ADAMTS3: variants seen among roughly 807,000 people sequenced by gnomAD.
ADAMTS3 encodes A disintegrin and metalloproteinase with thrombospondin motifs 3.
In ADAMTS3, 73 loss-of-function variants were observed where a neutral mutation model predicts 129.0. The ratio of observed to expected loss-of-function variants is 0.57; its 90% CI spans 0.47 to 0.69. The LOEUF (loss-of-function observed/expected upper bound fraction) is 0.69, where lower values mean the gene tolerates loss of function less well. Among genes scored for constraint, ADAMTS3 ranks in the 30% least tolerant of loss-of-function variants. The pLI is 0.00. For missense variants in ADAMTS3, 1,457 were observed against 1,514.5 expected, an observed-to-expected ratio of 0.96 and a Z score of 0.63; for synonymous variants, 477 against 510.8, an observed-to-expected ratio of 0.93 and a Z score of 0.89.
chr4:72,329,364 G>A (rs1037226564), intron 5 of ADAMTS3, among the ~76,000 whole-genome samples: 2 of 152,144 alleles, frequency 1.3e-5, no homozygotes, highest in Non-Finnish European at 2.9e-5. Context: ...ATAATTGTGT[G>A]ACTGTTTAGG....
intron 18 of ADAMTS3, among the ~76,000 whole-genome samples, 184 bp from the exon 19 acceptor site, chr4:72,295,970 C>A (rs1718795835): frequency 1.3e-5 from 2 of 152,006 alleles, no homozygotes; most frequent in Non-Finnish European, 2.9e-5. Context: ...AAAACTTTTA[C>A]CTTTTCAGAG....
chr4:72,536,688 A>G (rs1236093271), intron 3 of ADAMTS3, among the ~76,000 whole-genome samples: 1 of 152,182 alleles, frequency 6.6e-6, no homozygotes, highest in African/African-American at 2.4e-5. Context: ...AACTGGAACT[A>G]GAGTCCAAGT....
intron 3 of ADAMTS3, among the ~76,000 whole-genome samples, chr4:72,444,218 AT>A (rs1160928955): frequency 6.6e-6 from 1 of 151,704 alleles, no homozygotes; most frequent in Admixed American, 6.6e-5. Context: ...AGAAAAACAA[AT>A]CATAAAAGAA....
chr4:72,351,424 A>G (rs1219227210), intron 4 of ADAMTS3, among the ~76,000 whole-genome samples: 2 of 151,898 alleles, frequency 1.3e-5, no homozygotes, highest in African/African-American at 4.8e-5. Context: ...TACAGTGAGA[A>G]TCCTGAAAAT....
intron 3 of ADAMTS3, among the ~76,000 whole-genome samples, chr4:72,514,402 T>C (rs1333466995): frequency 6.6e-6 from 1 of 152,032 alleles, no homozygotes; most frequent in Admixed American, 6.6e-5. Flanking sequence ...AGGGTGGGAG[T>C]ATTATAAAAC....
chr4:72,518,100 T>C (rs1206672896), intron 3 of ADAMTS3, among the ~76,000 whole-genome samples: 1 of 152,214 alleles, frequency 6.6e-6, no homozygotes, highest in Non-Finnish European at 1.5e-5. Flanking sequence ...ATATACCCAG[T>C]AGTCATTCAG....
intron 3 of ADAMTS3, among the ~76,000 whole-genome samples, chr4:72,512,965 T>A (rs1378052803): frequency 6.6e-6 from 1 of 152,126 alleles, no homozygotes; most frequent in African/African-American, 2.4e-5. Flanking sequence ...CTAAAAATGC[T>A]CTTAAAAATA....
At chr4:72,344,559 T>C (rs1005507528) in intron 4 of ADAMTS3, among the ~76,000 whole-genome samples, 2 of 152,074 alleles carry the variant, frequency 1.3e-5, no homozygotes, top group Admixed American at 6.6e-5. Context: ...TCACTCCCAA[T>C]CTCCCTGTGA....
intron 3 of ADAMTS3, among the ~76,000 whole-genome samples, chr4:72,504,636 C>T (rs1433598121): frequency 1.3e-5 from 2 of 152,054 alleles, no homozygotes; most frequent in Non-Finnish European, 1.5e-5. Flanking sequence ...GAAAAATTTT[C>T]TTAAATTTTT....
rs532831519 is a variant in ADAMTS3 at position 72,489,946 on chromosome 4, T to G, written c.504+58532A>C. On this transcript the variant is annotated intron_variant, in intron 3 of 21. Transcript: ENST00000286657. ...AATTTTTTGAGGAGCCTCCATACTG[T>G]TTTTCATAAGTGCTGCACCATTTAC... Among the ~76,000 whole-genome samples, 57 of 151,968 alleles carry G rather than the reference T, an allele frequency of 3.8e-4. 1 individual carries two copies. In the South Asian group the frequency reaches 8.3e-3, roughly 22 times the overall value.
intron 5 of ADAMTS3, among the ~76,000 whole-genome samples, chr4:72,336,795 A>T (rs1720001806): frequency 6.6e-6 from 1 of 151,974 alleles, no homozygotes; most frequent in African/African-American, 2.4e-5. Context: ...GCGCTGTAGG[A>T]TGCTGAGCAG....
At chr4:72,513,494 C>T (rs145571145) in intron 3 of ADAMTS3, among the ~76,000 whole-genome samples, 149 of 152,282 alleles carry the variant, frequency 9.8e-4, no homozygotes, top group African/African-American at 3.2e-3. Flanking sequence ...CACCATCTAA[C>T]GGATTAACCT....
intron 7 of ADAMTS3, 29 bp downstream of exon 7, chr4:72,320,685 G>A: frequency 2.5e-6 from 4 of 1,606,022 alleles, no homozygotes; most frequent in East Asian, 2.2e-5. Context: ...ATGCCCTCAA[G>A]TATTTCTTCT....
At chr4:72,485,837 A>G (rs555397003) in intron 3 of ADAMTS3, among the ~76,000 whole-genome samples, 1 of 152,302 alleles carries the variant, frequency 6.6e-6, no homozygotes, top group East Asian at 1.9e-4. Flanking sequence ...TTGCCCTCAT[A>G]AATGAGATTA....
At chr4:72,321,696 C>A (rs922384972) in intron 6 of ADAMTS3, among the ~76,000 whole-genome samples, 1 of 152,030 alleles carries the variant, frequency 6.6e-6, no homozygotes, top group South Asian at 2.1e-4. Context: ...AATATGAATT[C>A]TTCCATGAGT....
At chr4:72,543,572 A>T (rs1721390207) in intron 3 of ADAMTS3, among the ~76,000 whole-genome samples, 1 of 152,178 alleles carries the variant, frequency 6.6e-6, no homozygotes, top group African/African-American at 2.4e-5. Context: ...TTCAAAATGG[A>T]TGAAATTTAA....
chr4:72,353,643 C>T (rs995869362), intron 4 of ADAMTS3, among the ~76,000 whole-genome samples: 9 of 152,006 alleles, frequency 5.9e-5, no homozygotes, highest in Non-Finnish European at 1.3e-4. Flanking sequence ...GGAACTAGTC[C>T]TGAACCCCAA....
At chr4:72,403,803 A>G (rs1041776292) in intron 4 of ADAMTS3, among the ~76,000 whole-genome samples, 5 of 152,056 alleles carry the variant, frequency 3.3e-5, no homozygotes, top group Non-Finnish European at 4.4e-5. Flanking sequence ...TGCAACTGTA[A>G]CAATTTGAAA....
chr4:72,397,374 G>T (rs1721752874), intron 4 of ADAMTS3, among the ~76,000 whole-genome samples: 1 of 151,994 alleles, frequency 6.6e-6, no homozygotes, highest in Non-Finnish European at 1.5e-5. Context: ...AGACCAGCCT[G>T]GCCAACATGG....
Sources: gnomAD v4.1 joint callset for allele counts (sites outside exome capture counted in the v4.1 genomes callset) on GRCh38, gnomAD v4.1.1 for gene constraint, MANE v1.5 for transcripts, NCBI Gene and HGNC (gene_info 2026-07-23, HGNC 2026-07-21) for gene names.